RANBP2: variants seen among roughly 807,000 people sequenced by gnomAD.
RANBP2 encodes the protein RAN binding protein 2.
A neutral mutation model predicts 303.6 loss-of-function variants in RANBP2; 57 were observed. The observed-to-expected ratio is 0.19, with a 90% CI of 0.15 to 0.23. RANBP2 has a LOEUF of 0.23. Ranked by LOEUF, RANBP2 falls within the 10% of genes least tolerant of loss-of-function variation. RANBP2 has a pLI of 1.00. For missense variants in RANBP2, 3,138 were observed against 3,780.8 expected, an observed-to-expected ratio of 0.83 and a Z score of 4.46; for synonymous variants, 1,167 against 1,301.5, an observed-to-expected ratio of 0.90 and a Z score of 2.23.
At position 108,763,285 on chromosome 2, in the gene RANBP2, G is replaced by A; in HGVS notation, c.2746G>A (p.Ala916Thr). Residue 916 changes from alanine to threonine, a missense_variant, in exon 20 of 29, where the codon GCC becomes ACC. Ala to Thr is a moderately conservative substitution (Grantham distance 58). Transcript: ENST00000283195. ...NRLPPQQHIY[A>T]YPQQMHTPPV... Reference sequence around the variant, plus strand: ...GCTTCCACCCCAACAGCATATTTATGCCTATCCGCAACAGATGCACACACC... The same window carrying A: ...GCTTCCACCCCAACAGCATATTTATACCTATCCGCAACAGATGCACACACC... The A allele has an allele frequency of 1.2e-6, 2 of 1,613,836 alleles. No individual in the cohort carries two copies. The highest frequency in any genetic ancestry group is 1.7e-6 in the Non-Finnish European group (2 of 1,179,956).
At chr2:109,774,567 A>G in the RANBP2 span, among the ~76,000 whole-genome samples, 3 of 71,580 alleles carry the variant, frequency 4.2e-5, 1 homozygote, top group Non-Finnish European at 2.4e-5. Flanking sequence ...ATATGTATGT[A>G]AATGGTCTCC....
At chr2:108,729,971 G>A (rs1304512796) in intron 2 of RANBP2, among the ~76,000 whole-genome samples, 7 of 151,938 alleles carry the variant, frequency 4.6e-5, no homozygotes, top group African/African-American at 7.3e-5. Flanking sequence ...TGCCTGCCTC[G>A]GCCTCCCGTA....
the RANBP2 span, among the ~76,000 whole-genome samples, chr2:109,387,598 T>C: frequency 1.1e-4 from 16 of 152,158 alleles, no homozygotes; most frequent in African/African-American, 3.9e-4. Flanking sequence ...GGCTCACAGG[T>C]CAGTTTCCCT....
the RANBP2 span, chr2:108,804,909 A>T: frequency 6.4e-7 from 1 of 1,561,474 alleles, no homozygotes; most frequent in South Asian, 1.2e-5. Context: ...CAGAAGTTGA[A>T]CACTTAACCG....
the RANBP2 span, among the ~76,000 whole-genome samples, chr2:109,468,818 C>T: frequency 7.0e-6 from 1 of 143,580 alleles, no homozygotes; most frequent in African/African-American, 2.7e-5. Flanking sequence ...CGCGGCAGTG[C>T]ACTCCAGCCT....
the RANBP2 span, among the ~76,000 whole-genome samples, chr2:109,390,392 C>T: frequency 1.3e-5 from 2 of 152,146 alleles, no homozygotes; most frequent in African/African-American, 4.8e-5. Flanking sequence ...GCTCCTGGTA[C>T]TTTTATGGAC....
At chr2:109,070,383 T>A in the RANBP2 span, among the ~76,000 whole-genome samples, 2 of 152,296 alleles carry the variant, frequency 1.3e-5, no homozygotes, top group Non-Finnish European at 2.9e-5. Context: ...TATAGTGGGG[T>A]GATATAGTTT....
chr2:109,109,789 A>C, the RANBP2 span, among the ~76,000 whole-genome samples: 36 of 152,178 alleles, frequency 2.4e-4, no homozygotes, highest in Non-Finnish European at 4.1e-4. Context: ...ACTTTGAATC[A>C]ATTTTATTTT....
the RANBP2 span, among the ~76,000 whole-genome samples, chr2:108,855,118 CTT>C: frequency 6.6e-6 from 1 of 151,984 alleles, no homozygotes; most frequent in Non-Finnish European, 1.5e-5. Context: ...TAAAAATACT[CTT>C]TTAGAAGTTA....
At chr2:108,772,236 T>C (rs1379553243) in intron 21 of RANBP2, among the ~76,000 whole-genome samples, 2 of 152,162 alleles carry the variant, frequency 1.3e-5, no homozygotes, top group African/African-American at 2.4e-5. Context: ...AAAGTCTCAA[T>C]AGAATCAGTT....
chr2:108,916,227 G>C, the RANBP2 span, among the ~76,000 whole-genome samples: 11 of 152,354 alleles, frequency 7.2e-5, no homozygotes, highest in East Asian at 2.1e-3. Flanking sequence ...GCTCAAGGGA[G>C]CTTAAGATAC....
the RANBP2 span, among the ~76,000 whole-genome samples, chr2:109,191,998 T>TC: frequency 6.6e-6 from 1 of 151,938 alleles, no homozygotes; most frequent in Non-Finnish European, 1.5e-5. Context: ...ACCCTCCCCC[T>TC]CCACCTCAAC....
At chr2:109,725,744 CTTTTT>C in the RANBP2 span, among the ~76,000 whole-genome samples, 1 of 150,712 alleles carries the variant, frequency 6.6e-6, no homozygotes, top group Non-Finnish European at 1.5e-5. Context: ...TCTTTTTTTT[CTTTTT>C]TGAGACGGAG....
At chr2:108,828,145 A>C in the RANBP2 span, among the ~76,000 whole-genome samples, 5 of 152,208 alleles carry the variant, frequency 3.3e-5, no homozygotes, top group African/African-American at 1.2e-4. Flanking sequence ...GTTCTATACC[A>C]TACTTCTTAA....
the RANBP2 span, among the ~76,000 whole-genome samples, chr2:109,457,394 T>C: frequency 6.6e-6 from 1 of 152,202 alleles, no homozygotes; most frequent in Non-Finnish European, 1.5e-5. Flanking sequence ...CTGCAAAGCA[T>C]TAAACCAAAA....
the RANBP2 span, among the ~76,000 whole-genome samples, chr2:109,224,114 A>G: frequency 6.6e-6 from 1 of 152,206 alleles, no homozygotes; most frequent in African/African-American, 2.4e-5. Context: ...TTACACAAAA[A>G]GAAACTGAGG....
the RANBP2 span, among the ~76,000 whole-genome samples, chr2:109,068,194 T>G: frequency 2.0e-5 from 3 of 152,176 alleles, 1 homozygote; most frequent in South Asian, 6.2e-4. Flanking sequence ...CTTTTTCATC[T>G]TTTCGCGGAA....
At chr2:109,735,636 A>T in the RANBP2 span, among the ~76,000 whole-genome samples, 34 of 151,870 alleles carry the variant, frequency 2.2e-4, no homozygotes, top group East Asian at 2.5e-3. Context: ...GTTAAAAAAA[A>T]TTTTTTTTTA....
At chr2:108,740,728 A>T in intron 7 of RANBP2, 47 bp downstream of exon 7, 1 of 1,597,278 alleles carries the variant, frequency 6.3e-7, no homozygotes, top group South Asian at 1.1e-5. Context: ...CTGAGTCTTG[A>T]TGTGTTTGAA....
Sources: gnomAD v4.1 joint callset for allele counts (sites outside exome capture counted in the v4.1 genomes callset) on GRCh38, gnomAD v4.1.1 for gene constraint, MANE v1.5 for transcripts, NCBI Gene and HGNC (gene_info 2026-07-23, HGNC 2026-07-21) for gene names.